Variants in PEBP4 observed in about 807,000 individuals in gnomAD.
PEBP4 encodes phosphatidylethanolamine-binding protein 4.
In PEBP4, 22 loss-of-function variants were observed where a neutral mutation model predicts 23.9. The ratio of observed to expected loss-of-function variants is 0.92; its 90% CI spans 0.66 to 1.31. The LOEUF is 1.31. PEBP4 is among the 40% of genes most tolerant of loss of function. The pLI, the probability that PEBP4 is intolerant of heterozygous loss-of-function variation, is 0.00. For missense variants in PEBP4, 324 were observed against 281.7 expected, an observed-to-expected ratio of 1.15 and a Z score of -1.07; for synonymous variants, 112 against 99.3, an observed-to-expected ratio of 1.13 and a Z score of -0.76.
chr8:22,927,629 G>T lies in PEBP4; in HGVS notation c.86C>A (p.Pro29Gln), dbSNP rs202161701. 2.2e-4 allele frequency: 362 copies of T among 1,613,868 alleles called. 1 individual carries two copies. The Middle Eastern group carries it at 3.0e-3, about 13-fold the overall frequency. The change falls in exon 2 of 7, where the codon CCG becomes CAG. Residue 29 changes from proline (P) to glutamine (Q), a missense_variant. Coordinates refer to ENST00000256404, the MANE Select transcript of PEBP4 (RefSeq NM_144962.3). The stretch of plus-strand genomic sequence containing the variant: ...GTCCAAGAGGGCCTCATGGGCACAC[G>T]GGCTGTTCTCATCCTCGTCTCCAGT... ...VVTGDEDENS[P>Q]CAHEALLDED...
At chr8:22,904,641 T>G (rs1808774957) in intron 3 of PEBP4, among the ~76,000 whole-genome samples, 1 of 152,228 alleles carries the variant, frequency 6.6e-6, no homozygotes. Context: ...GATCCAATGT[T>G]AACATTTTGA....
chr8:22,817,571 G>A, intron 4 of PEBP4, 66 bp downstream of exon 4: 3 of 1,428,538 alleles, frequency 2.1e-6, no homozygotes, highest in Non-Finnish European at 3.0e-6. Flanking sequence ...GGTGGGAACT[G>A]CACTGAATGA....
rs368116232 is a variant in PEBP4, at chr8:22,920,373, G to C, written c.132-63C>G. 3.0e-4 allele frequency: 465 copies of C among 1,553,234 alleles called. No homozygotes were observed. In the African/African-American group the frequency reaches 5.6e-3, roughly 19 times the overall value. On this transcript the variant is annotated intron_variant, in intron 2 of 6. Coordinates refer to ENST00000256404, the MANE Select transcript of PEBP4 (RefSeq NM_144962.3). ...TTTAAGGGAGCCTGGGGTTCCCAAG[G>C]CTTCAGTCTAGCACTATTGGGAATG...
intron 4 of PEBP4, among the ~76,000 whole-genome samples, chr8:22,791,251 G>A (rs1242874033): frequency 6.6e-6 from 1 of 152,050 alleles, no homozygotes; most frequent in Non-Finnish European, 1.5e-5. Context: ...GCAGAGAAGG[G>A]AGCAGCCTCA....
chr8:22,769,744 T>G (rs1039754006), intron 4 of PEBP4, among the ~76,000 whole-genome samples: 3 of 152,186 alleles, frequency 2.0e-5, no homozygotes, highest in Non-Finnish European at 2.9e-5. Flanking sequence ...TGTCCCTTCT[T>G]TTTTTAAAAA....
At chr8:22,774,835 G>T (rs760153358) in intron 4 of PEBP4, among the ~76,000 whole-genome samples, 1 of 152,090 alleles carries the variant, frequency 6.6e-6, no homozygotes, top group Non-Finnish European at 1.5e-5. Flanking sequence ...ATTTCCTTCT[G>T]TTGCCATATG....
chr8:22,716,753 C>G (rs1051760040), intron 6 of PEBP4, among the ~76,000 whole-genome samples: 3 of 152,196 alleles, frequency 2.0e-5, no homozygotes, highest in Non-Finnish European at 4.4e-5. Flanking sequence ...TTACCCTGGC[C>G]CCCTTGCAGG....
chr8:22,829,272 G>A (rs1206431418), intron 3 of PEBP4, among the ~76,000 whole-genome samples: 3 of 152,118 alleles, frequency 2.0e-5, no homozygotes, highest in African/African-American at 7.2e-5. Flanking sequence ...GAAGAGGTTG[G>A]CCCCACCCTA....
intron 4 of PEBP4, among the ~76,000 whole-genome samples, chr8:22,809,710 G>A (rs1806578812): frequency 6.6e-6 from 1 of 152,160 alleles, no homozygotes. Context: ...GTGCATCAAT[G>A]ATGTTTTTCT....
rs537148641 is a variant in PEBP4 at position 22,905,810 on chromosome 8, G to A, written c.258+14374C>T. Among the ~76,000 whole-genome samples the A allele has an allele frequency of 3.3e-5, 5 of 152,292 alleles. No individual in the cohort carries two copies. The South Asian group carries it at 8.3e-4, about 25-fold the overall frequency. On this transcript the variant is annotated intron_variant, in intron 3 of 6. Coordinates refer to ENST00000256404, the MANE Select transcript of PEBP4 (RefSeq NM_144962.3). ...TTGCTGGTGAATGGAAAAGATGAAC[G>A]AGGAGGAGGAAATAGCTGTTCCACG... is the stretch of plus-strand genomic sequence containing the variant.
In PEBP4 at chr8:22,805,980, G is replaced by A. The variant is rs1211348005; in HGVS notation, c.357+11657C>T. On this transcript the variant is annotated intron_variant, in intron 4 of 6. Coordinates refer to ENST00000256404, the MANE Select transcript of PEBP4 (RefSeq NM_144962.3). The stretch of plus-strand genomic sequence containing the variant: ...GTCTGAAACCTTTACTTTTATTGAT[G>A]TGGCCTAAGATGATATTAACTGTCT... Among the ~76,000 whole-genome samples the A allele has an allele frequency of 2.0e-5, 3 of 152,112 alleles. No individual in the cohort carries two copies. The East Asian group carries it at 5.8e-4, about 29-fold the overall frequency.
intron 3 of PEBP4, among the ~76,000 whole-genome samples, chr8:22,918,951 G>A (rs200755998): frequency 1.0e-5 from 1 of 97,622 alleles, no homozygotes; most frequent in South Asian, 2.9e-4. Context: ...ACATGTGCAC[G>A]TGTGCACTTT....
At chr8:22,860,370 C>T (rs899309118) in intron 3 of PEBP4, among the ~76,000 whole-genome samples, 6 of 151,912 alleles carry the variant, frequency 3.9e-5, no homozygotes, top group Non-Finnish European at 7.4e-5. Context: ...ACTCTTTACT[C>T]ATTAAACGAC....
intron 4 of PEBP4, among the ~76,000 whole-genome samples, chr8:22,740,335 G>T (rs544483752): frequency 6.6e-6 from 1 of 152,300 alleles, no homozygotes; most frequent in East Asian, 1.9e-4. Flanking sequence ...GCTCTTTTCC[G>T]AGGGACTGAT....
chr8:22,899,033 A>G (rs1296352612), intron 3 of PEBP4, among the ~76,000 whole-genome samples: 3 of 152,210 alleles, frequency 2.0e-5, no homozygotes, highest in African/African-American at 7.2e-5. Flanking sequence ...GCGGTACAGC[A>G]CGGTGGTTCA....
At chr8:22,803,870 C>A (rs192039949) in intron 4 of PEBP4, among the ~76,000 whole-genome samples, 200 of 152,270 alleles carry the variant, frequency 1.3e-3, no homozygotes, top group Non-Finnish European at 2.4e-3. Context: ...TTCATTGGCA[C>A]GTCCTGTTGG....
At chr8:22,751,047 A>C (rs1333891968) in intron 4 of PEBP4, among the ~76,000 whole-genome samples, 1 of 152,224 alleles carries the variant, frequency 6.6e-6, no homozygotes, top group Non-Finnish European at 1.5e-5. Flanking sequence ...ACGCCCACGC[A>C]GCGGGCAGAA....
At chr8:22,715,132 T>C (rs1804385311) in intron 6 of PEBP4, among the ~76,000 whole-genome samples, 2 of 152,172 alleles carry the variant, frequency 1.3e-5, no homozygotes, top group Non-Finnish European at 2.9e-5. Flanking sequence ...CCTATTCGAC[T>C]CAGTGACTGC....
intron 4 of PEBP4, chr8:22,757,806 A>C (rs893205568): frequency 6.6e-6 from 1 of 152,252 alleles, no homozygotes; most frequent in Admixed American, 6.5e-5. Context: ...AATCCGTATG[A>C]GAAGAGCAGG....
Sources: gnomAD v4.1 joint callset for allele counts (sites outside exome capture counted in the v4.1 genomes callset) on GRCh38, gnomAD v4.1.1 for gene constraint, MANE v1.5 for transcripts, NCBI Gene and HGNC (gene_info 2026-07-23, HGNC 2026-07-21) for gene names.